The following ATG2B variants were observed in gnomAD, a reference collection of about 807,000 sequenced individuals.
ATG2B encodes the protein autophagy related 2B, also known as autophagy-related protein 2 homolog B.
A neutral mutation model predicts 241.3 loss-of-function variants in ATG2B; 121 were observed. The observed-to-expected ratio is 0.50, with a 90% CI of 0.43 to 0.58. ATG2B has a LOEUF of 0.58. Ranked by LOEUF, ATG2B falls within the 20% of genes least tolerant of loss-of-function variation. The probability of loss-of-function intolerance (pLI) is 0.00; values close to 1 mark genes in which losing one functional copy is unlikely to be tolerated. For synonymous variants in ATG2B, 858 were observed against 876.6 expected (o/e 0.98, Z 0.37); for missense variants, 2,306 against 2,491.6 (o/e 0.93, Z 1.59).
intron 34 of ATG2B, among the ~76,000 whole-genome samples, chr14:96,297,491 G>A (rs772751933): frequency 1.2e-4 from 18 of 152,000 alleles, no homozygotes; most frequent in Non-Finnish European, 2.2e-4. Context: ...TCTGCCTCCC[G>A]GGTTCAAGCA....
chr14:96,353,720 C>T (rs1331912272), intron 1 of ATG2B, among the ~76,000 whole-genome samples: 1 of 151,038 alleles, frequency 6.6e-6, no homozygotes, highest in African/African-American at 2.4e-5. Flanking sequence ...AAAAGAAAGC[C>T]TAATGCCAAC....
At chr14:96,301,615 T>C (rs1886793032) in intron 34 of ATG2B, among the ~76,000 whole-genome samples, 1 of 152,222 alleles carries the variant, frequency 6.6e-6, no homozygotes, top group African/African-American at 2.4e-5. Flanking sequence ...TACTCATTTG[T>C]CATTTTGCCC....
intron 34 of ATG2B, among the ~76,000 whole-genome samples, chr14:96,295,854 A>G (rs955169563): frequency 6.6e-6 from 1 of 152,190 alleles, no homozygotes; most frequent in African/African-American, 2.4e-5. Context: ...AGTAAAAAGG[A>G]CTAAATCAAA....
rs1341486768 is a variant in ATG2B at position 96,280,294 on chromosome 14, G to C, written c.*5461C>G. ...TTTCTTAAATGAAGTCCTGGGAAGAGCATGAGGTCTGGAAGTCAAACCATG... is the reference window on the plus strand; with the variant it reads ...TTTCTTAAATGAAGTCCTGGGAAGACCATGAGGTCTGGAAGTCAAACCATG... On this transcript the variant is annotated 3_prime_UTR_variant, in exon 42 of 42. Coordinates refer to ENST00000359933, the MANE Select transcript of ATG2B (RefSeq NM_018036.7). 1 of 152,240 alleles carries C rather than the reference G, an allele frequency of 6.6e-6. No homozygotes were observed. The highest frequency in any genetic ancestry group is 2.4e-5 in the African/African-American group (1 of 41,464). 9.4% of individuals were successfully genotyped at this position (152,240 alleles called of 1,614,324 possible). A position where few individuals can be genotyped will look rare whatever the true frequency, so the allele number is the denominator to read the frequency against.
chr14:96,335,643 A>G (rs1262008396), intron 6 of ATG2B, among the ~76,000 whole-genome samples: 4 of 152,120 alleles, frequency 2.6e-5, no homozygotes. Flanking sequence ...CACTCCTTCC[A>G]CGGCATGGCT....
In ATG2B at chr14:96,290,484, T is replaced by G; in HGVS notation, c.5808A>C (p.Thr1936=). Residue 1936 remains threonine, a synonymous_variant, in exon 40 of 42, where the codon ACA becomes ACC. Coordinates refer to ENST00000359933, the MANE Select transcript of ATG2B (RefSeq NM_018036.7). This position sits in a 1 kb window ranked among gnomAD's most constrained non-coding sequence, Gnocchi z 4.4. The part of the protein sequence containing the change: ...QRGAASFGTS[T]AMAALELTNR... ...TTGTGAGTTCTAGAGCAGCCATCGC[T>G]GTCGAGGTACCAAAGGAAGCAGCGC... The G allele has an allele frequency of 6.2e-7, 1 of 1,614,260 alleles. No homozygotes were observed. The highest frequency in any genetic ancestry group is 8.5e-7 in the Non-Finnish European group (1 of 1,180,038).
At chr14:96,318,087 T>C in intron 18 of ATG2B, 1 of 360,600 alleles carries the variant, frequency 2.8e-6, no homozygotes, top group South Asian at 8.2e-5. Context: ...ATCTGCACAA[T>C]TAGATACCTA....
At chr14:96,357,464 A>G (rs1235626159) in intron 1 of ATG2B, among the ~76,000 whole-genome samples, 1 of 152,100 alleles carries the variant, frequency 6.6e-6, no homozygotes, top group African/African-American at 2.4e-5. Flanking sequence ...GAGCTTCTCT[A>G]CCTGGATCTA....
In ATG2B at chr14:96,283,396, G is replaced by A. The variant is rs1595286094; in HGVS notation, c.*2359C>T. 1 of 152,314 alleles carries A rather than the reference G, an allele frequency of 6.6e-6. No individual in the cohort carries two copies. Among genetic ancestry groups the A allele is most frequent in the East Asian group, 1.9e-4 (1 of 5,198 alleles). The allele number at this position is 152,314 out of a possible 1,614,324, so 9.4% of individuals were successfully genotyped here. A position where few individuals can be genotyped will look rare whatever the true frequency, so the allele number is the denominator to read the frequency against. ...GGCCCCTGGCTGCTCCGCGTGTGAT[G>A]TCGCCAGAGAGGACTCTCACTGGAC... On this transcript the variant is annotated 3_prime_UTR_variant, in exon 42 of 42. Coordinates refer to ENST00000359933, the MANE Select transcript of ATG2B (RefSeq NM_018036.7).
Position 96,282,699 on chromosome 14 carries a change from A to C in ATG2B, c.*3056T>G, listed in dbSNP as rs1886231449. 6.6e-6 allele frequency: 1 copy of C among 152,270 alleles called. No individual in the cohort carries two copies. Among genetic ancestry groups the C allele is most frequent in the South Asian group, 2.1e-4 (1 of 4,834 alleles). 9.4% of individuals were successfully genotyped at this position (152,270 alleles called of 1,614,324 possible). ...CTGCCTTTGGACAAACAGCCTCTGC[A>C]GGGGCAGACACAGTTGTCTGGACTC... On this transcript the variant is annotated 3_prime_UTR_variant, in exon 42 of 42. Coordinates refer to ENST00000359933, the MANE Select transcript of ATG2B (RefSeq NM_018036.7).
chr14:96,362,268 T>C (rs1888664867), intron 1 of ATG2B, among the ~76,000 whole-genome samples: 1 of 152,064 alleles, frequency 6.6e-6, no homozygotes, highest in Admixed American at 6.5e-5. Context: ...TGTAAACATA[T>C]AATCAAGCAA....
In ATG2B at chr14:96,284,238, G is replaced by A. The variant is rs1176747365; in HGVS notation, c.*1517C>T. The A allele has an allele frequency of 6.6e-6, 1 of 152,142 alleles. No individual in the cohort carries two copies. The highest frequency in any genetic ancestry group is 1.5e-5 in the Non-Finnish European group (1 of 68,010). The allele number at this position is 152,142 out of a possible 1,614,324, so 9.4% of individuals were successfully genotyped here. ...GTGTCGCCAGGACCAGGCTCTACCC[G>A]AATAAGAGATGGTCCCACGGTGCTT... On this transcript the variant is annotated 3_prime_UTR_variant, in exon 42 of 42. Transcript: ENST00000359933.
rs771465022 is a variant in ATG2B at position 96,333,819 on chromosome 14, T to C, written c.1076A>G (p.Gln359Arg). 1.2e-5 allele frequency: 20 copies of C among 1,613,856 alleles called. No individual in the cohort carries two copies. In the South Asian group the frequency reaches 2.2e-4, roughly 18 times the overall value. The change falls in exon 8 of 42, where the codon CAG becomes CGG. Residue 359 changes from glutamine (Q) to arginine (R), a missense_variant. Gln to Arg is a conservative substitution (Grantham distance 43). Transcript: ENST00000359933. ...CTGAATTCGATACTCGTCTTCCTGC[T>C]GCATGGGTCGATTTTTCCTATCTTT... ...ANKDRKNRPM[Q>R]QEDEYRIQME...
chr14:96,361,468 G>T (rs573238784), intron 1 of ATG2B, among the ~76,000 whole-genome samples: 98 of 152,180 alleles, frequency 6.4e-4, no homozygotes, highest in Non-Finnish European at 7.2e-4. Context: ...CCCACAAAAG[G>T]CATTAATAAA....
chr14:96,294,730 A>G (rs1886582382), intron 36 of ATG2B, among the ~76,000 whole-genome samples: 1 of 152,228 alleles, frequency 6.6e-6, no homozygotes, highest in African/African-American at 2.4e-5. Flanking sequence ...GAAGAAAAGG[A>G]AATTCCTGCC....
intron 41 of ATG2B, among the ~76,000 whole-genome samples, chr14:96,287,378 T>C (rs1886367852): frequency 6.6e-6 from 1 of 152,070 alleles, no homozygotes; most frequent in Admixed American, 6.5e-5. Context: ...TTACAACTTG[T>C]ACATTTCCCT....
chr14:96,332,228 A>AAT, intron 10 of ATG2B, 77 bp downstream of exon 10: 1 of 1,170,752 alleles, frequency 8.5e-7, no homozygotes, highest in Non-Finnish European at 1.2e-6. Context: ...AAAAAAAAAA[A>AAT]GAAAGAAAAG....
intron 29 of ATG2B, among the ~76,000 whole-genome samples, chr14:96,308,219 A>AATAT (rs1204291663): frequency 4.3e-4 from 32 of 74,036 alleles, no homozygotes; most frequent in Admixed American, 8.9e-4. Context: ...TAAATACATA[A>AATAT]ATATATATAT....
chr14:96,304,716 C>CCTG, intron 31 of ATG2B, 113 bp from the exon 32 acceptor site: 1 of 769,478 alleles, frequency 1.3e-6, no homozygotes, highest in Non-Finnish European at 2.0e-6. Flanking sequence ...GAGTACAGAG[C>CCTG]TATCAGAACG....
Sources: gnomAD v4.1 joint callset for allele counts (sites outside exome capture counted in the v4.1 genomes callset) on GRCh38, gnomAD v4.1.1 for gene constraint, Gnocchi (gnomAD v3.1) non-coding constraint, MANE v1.5 for transcripts, NCBI Gene and HGNC (gene_info 2026-07-23, HGNC 2026-07-21) for gene names.